Variants in KIF5C observed in about 807,000 individuals in gnomAD.
KIF5C encodes kinesin family member 5C, also known as kinesin heavy chain isoform 5C.
In KIF5C, 18 loss-of-function variants were observed where a neutral mutation model predicts 125.2. The observed-to-expected ratio is 0.14, with a 90% CI of 0.10 to 0.21. The LOEUF is 0.21. Among genes scored for constraint, KIF5C ranks in the 10% least tolerant of loss-of-function variants. The pLI is 1.00. For synonymous variants in KIF5C, 405 were observed against 434.0 expected (o/e 0.93, Z 0.83); for missense variants, 780 against 1,183.8 (o/e 0.66, Z 5.01).
chr2:148,876,115 T>C lies in KIF5C; in HGVS notation c.126+372T>C, dbSNP rs1312220299. Among the ~76,000 whole-genome samples the C allele has an allele frequency of 6.6e-6, 1 of 152,192 alleles. No individual in the cohort carries two copies. The highest frequency in any genetic ancestry group is 1.5e-5 in the Non-Finnish European group (1 of 68,014). ...CCGGGTGCCCAGGCCCCCTTTAAAG[T>C]GTGAGCTCTGCAACCCGCAAATGCT... On this transcript the variant is annotated intron_variant, in intron 1 of 25. Coordinates refer to ENST00000435030, the MANE Select transcript of KIF5C (RefSeq NM_004522.3). This position sits in a 1 kb window ranked among gnomAD's most constrained non-coding sequence, Gnocchi z 4.7.
chr2:148,941,004 A>G (rs1682396154), intron 4 of KIF5C, among the ~76,000 whole-genome samples: 1 of 152,196 alleles, frequency 6.6e-6, no homozygotes, highest in Admixed American at 6.5e-5. Context: ...GGTGATGCTG[A>G]TGAAGGTGGT....
intron 12 of KIF5C, among the ~76,000 whole-genome samples, chr2:148,976,245 T>TTTTATTTATTTATTTATTTA (rs145613004): frequency 9.7e-5 from 14 of 143,876 alleles, no homozygotes; most frequent in Middle Eastern, 3.3e-3. Flanking sequence ...TATTATTTTG[T>TTTTATTTATTTATTTATTTA]TTTATTTATT....
chr2:148,941,731 A>G (rs1682411992), intron 5 of KIF5C, 73 bp downstream of exon 5: 15 of 1,521,476 alleles, frequency 9.9e-6, no homozygotes, highest in Non-Finnish European at 1.1e-5. Flanking sequence ...GGTTTATCAC[A>G]CTTCTGCTTA....
intron 1 of KIF5C, among the ~76,000 whole-genome samples, chr2:148,894,407 GA>G (rs1429698585): frequency 1.3e-5 from 2 of 152,120 alleles, no homozygotes; most frequent in African/African-American, 4.8e-5. Context: ...GCATCATAAA[GA>G]AAGTAAGGTC....
chr2:148,922,330 G>C lies in KIF5C; in HGVS notation c.217+103G>C, dbSNP rs1024286580. 20 of 659,848 alleles carry C rather than the reference G, an allele frequency of 3.0e-5. No individual in the cohort carries two copies. In the African/African-American group the frequency reaches 3.1e-4, roughly 10 times the overall value. 40.9% of individuals were successfully genotyped at this position (659,848 alleles called of 1,614,324 possible). On this transcript the variant is annotated intron_variant, in intron 2 of 25. Transcript: ENST00000435030. ...TCAATGTGCCTTGACTGTAAGCAGA[G>C]GCCTGCTAATTGGAAACACTGAATT... is the stretch of plus-strand genomic sequence containing the variant.
chr2:149,008,413 A>G (rs187910925), intron 23 of KIF5C, among the ~76,000 whole-genome samples: 1 of 152,176 alleles, frequency 6.6e-6, no homozygotes, highest in Admixed American at 6.5e-5. Flanking sequence ...CCTCTGAGGT[A>G]CCTCTGTGGA....
At chr2:148,994,306 C>T (rs1055300919) in intron 16 of KIF5C, 115 bp from the exon 17 acceptor site, 1 of 1,411,274 alleles carries the variant, frequency 7.1e-7, no homozygotes, top group East Asian at 2.5e-5. Context: ...GGTTGTGGCA[C>T]TCAGAAAAGG....
In KIF5C at chr2:148,991,111, A is replaced by G; in HGVS notation, c.1818A>G (p.Lys606=). The change falls in exon 16 of 26, where the codon AAA becomes AAG. Residue 606 remains lysine, a synonymous_variant. Coordinates refer to ENST00000435030, the MANE Select transcript of KIF5C (RefSeq NM_004522.3). ...SEVKSLVNRS[K]QLESAQMDSN... ...TCAAGTCCCTGGTGAACCGCAGCAA[A>G]CAGCTCGAGAGCGCCCAGATGGACT... is the stretch of plus-strand genomic sequence containing the variant. 1.2e-6 allele frequency: 2 copies of G among 1,613,970 alleles called. No individual in the cohort carries two copies. Among genetic ancestry groups the G allele is most frequent in the Non-Finnish European group, 1.7e-6 (2 of 1,179,866 alleles).
Position 148,875,575 on chromosome 2 carries a change from G to GCCCCCCCCCCCCCCCCCTGCCCCC in KIF5C, c.-37_-36insCCCCCCCCCCCTGCCCCCCCCCCC. On this transcript the variant is annotated 5_prime_UTR_variant, in exon 1 of 26. Coordinates refer to ENST00000435030, the MANE Select transcript of KIF5C (RefSeq NM_004522.3). The stretch of plus-strand genomic sequence containing the variant: ...TCCTCCCTCGTCGTTCCCGGCCCCG[G>GCCCCCCCCCCCCCCCCCTGCCCCC]CCCCCCACCCATCCCCGTGCCCCCT... 1 of 699,606 alleles carries GCCCCCCCCCCCCCCCCCTGCCCCC rather than the reference G, an allele frequency of 1.4e-6. No homozygotes were observed. Among genetic ancestry groups the GCCCCCCCCCCCCCCCCCTGCCCCC allele is most frequent in the South Asian group, 1.6e-5 (1 of 64,500 alleles). The allele number at this position is 699,606 out of a possible 1,614,324, so 43.3% of individuals were successfully genotyped here. A position where few individuals can be genotyped will look rare whatever the true frequency, so the allele number is the denominator to read the frequency against.
At chr2:148,885,306 T>C (rs1681485257) in intron 1 of KIF5C, among the ~76,000 whole-genome samples, 1 of 152,198 alleles carries the variant, frequency 6.6e-6, no homozygotes, top group Non-Finnish European at 1.5e-5. Flanking sequence ...CCAATTATCC[T>C]TTGTAATCCA....
At position 149,000,525 on chromosome 2, in the gene KIF5C, G is replaced by C; in HGVS notation, c.2312+1G>C. 1 of 1,561,128 alleles carries C rather than the reference G, an allele frequency of 6.4e-7. No homozygotes were observed. Among genetic ancestry groups the C allele is most frequent in the Non-Finnish European group, 8.7e-7 (1 of 1,145,980 alleles). ...GAGAAATGAAGCTGGAAAAGCTCTT[G>C]TGAGTGCACTCTAAATATTTCCTCT... On this transcript the variant is annotated splice_donor_variant, in intron 20 of 25. Coordinates refer to ENST00000435030, the MANE Select transcript of KIF5C (RefSeq NM_004522.3). LOFTEE classifies it high-confidence loss of function.
intron 3 of KIF5C, among the ~76,000 whole-genome samples, chr2:148,931,056 A>C (rs1035513946): frequency 6.6e-6 from 1 of 152,224 alleles, no homozygotes; most frequent in Non-Finnish European, 1.5e-5. Context: ...TGACACTTGA[A>C]AGAGAGATAC....
At chr2:148,997,589 A>G in intron 18 of KIF5C, 4 of 556,556 alleles carry the variant, frequency 7.2e-6, no homozygotes, top group Non-Finnish European at 1.2e-5. Context: ...ACCATTCCTG[A>G]TGAAGAGGGA....
intron 10 of KIF5C, among the ~76,000 whole-genome samples, chr2:148,950,967 G>A (rs1682643525): frequency 6.6e-6 from 1 of 152,104 alleles, no homozygotes; most frequent in South Asian, 2.1e-4. Context: ...TAAAATAATG[G>A]GCAAGAACAT....
intron 1 of KIF5C, among the ~76,000 whole-genome samples, chr2:148,882,531 C>T (rs1173824152): frequency 1.3e-5 from 2 of 152,216 alleles, no homozygotes; most frequent in Admixed American, 6.5e-5. Flanking sequence ...CCTTACTCCT[C>T]ACCCCATATT....
Position 148,991,121 on chromosome 2 carries a change from A to G in KIF5C, c.1828A>G (p.Ser610Gly), listed in dbSNP as rs1453090952. 6.2e-7 allele frequency: 1 copy of G among 1,613,826 alleles called. No individual in the cohort carries two copies. The highest frequency in any genetic ancestry group is 8.5e-7 in the Non-Finnish European group (1 of 1,179,886). ...SLVNRSKQLE[S>G]AQMDSNRKMN... Reference sequence around the variant, plus strand: ...GGTGAACCGCAGCAAACAGCTCGAGAGCGCCCAGATGGACTCCAACAGGAA... The same window carrying G: ...GGTGAACCGCAGCAAACAGCTCGAGGGCGCCCAGATGGACTCCAACAGGAA... Residue 610 changes from serine to glycine, a missense_variant, in exon 16 of 26, where the codon AGC becomes GGC. Physicochemically the swap from Ser to Gly is moderately conservative, Grantham distance 56. Coordinates refer to ENST00000435030, the MANE Select transcript of KIF5C (RefSeq NM_004522.3).
At chr2:148,911,770 C>T (rs1399499787) in intron 1 of KIF5C, among the ~76,000 whole-genome samples, 3 of 152,150 alleles carry the variant, frequency 2.0e-5, no homozygotes, top group African/African-American at 7.2e-5. Flanking sequence ...AGTAAGTGGC[C>T]CTTCAGTACC....
At chr2:148,934,014 A>T (rs1017507118) in intron 3 of KIF5C, among the ~76,000 whole-genome samples, 90 of 151,846 alleles carry the variant, frequency 5.9e-4, no homozygotes, top group Admixed American at 2.7e-3. Flanking sequence ...AGACACATAC[A>T]GACATATACA....
intron 7 of KIF5C, among the ~76,000 whole-genome samples, chr2:148,944,804 C>T (rs184520405): frequency 7.2e-5 from 11 of 152,236 alleles, no homozygotes; most frequent in African/African-American, 2.6e-4. Flanking sequence ...TCTCTATATC[C>T]TTGCCACTTG....
Sources: gnomAD v4.1 joint callset for allele counts (sites outside exome capture counted in the v4.1 genomes callset) on GRCh38, gnomAD v4.1.1 for gene constraint, Gnocchi (gnomAD v3.1) non-coding constraint, MANE v1.5 for transcripts, NCBI Gene and HGNC (gene_info 2026-07-23, HGNC 2026-07-21) for gene names.